PGR: variants seen among roughly 807,000 people sequenced by gnomAD.
PGR encodes nuclear receptor subfamily 3 group C member 3.
A neutral mutation model predicts 76.1 loss-of-function variants in PGR; 25 were observed. The observed-to-expected ratio is 0.33, with a 90% CI of 0.24 to 0.46. The LOEUF (loss-of-function observed/expected upper bound fraction) is 0.46. Among genes scored for constraint, PGR ranks in the 20% least tolerant of loss-of-function variants. The pLI, the probability that PGR is intolerant of heterozygous loss-of-function variation, is 1.00. For synonymous variants in PGR, 579 were observed against 535.0 expected (o/e 1.08, Z -1.14); for missense variants, 1,172 against 1,225.3 (o/e 0.96, Z 0.65).
chr11:101,082,987 A>G (rs1466632550), intron 3 of PGR, among the ~76,000 whole-genome samples: 1 of 152,216 alleles, frequency 6.6e-6, no homozygotes, highest in Admixed American at 6.5e-5. Context: ...CATTTCAGAG[A>G]CCTTCACAGC....
rs779145953 is a variant in PGR at position 101,031,413 on chromosome 11, T to C, written c.*7703A>G. 1 of 224,356 alleles carries C rather than the reference T, an allele frequency of 4.5e-6. No homozygotes were observed. The highest frequency in any genetic ancestry group is 8.9e-6 in the Non-Finnish European group (1 of 112,440). 13.9% of individuals were successfully genotyped at this position (224,356 alleles called of 1,614,324 possible). On this transcript the variant is annotated 3_prime_UTR_variant, in exon 8 of 8. Coordinates refer to ENST00000325455, the MANE Select transcript of PGR (RefSeq NM_000926.4). ...GCTGTCTGGTTAGTGGAACTAACAA[T>C]TTCCTTGATGGAAATTGAATAAGGT... is the stretch of plus-strand genomic sequence containing the variant.
intron 3 of PGR, among the ~76,000 whole-genome samples, chr11:101,075,371 A>G (rs529911451): frequency 6.6e-6 from 1 of 152,322 alleles, no homozygotes; most frequent in Non-Finnish European, 1.5e-5. Flanking sequence ...AAAACCCTAG[A>G]GGAAAACCTG....
Position 101,072,920 on chromosome 11 carries a change from A to T in PGR, c.1907-10168T>A, listed in dbSNP as rs1308502700. 3.9e-5 allele frequency among the ~76,000 whole-genome samples: 6 copies of T among 152,296 alleles called. No homozygotes were observed. In the South Asian group the frequency reaches 6.2e-4, roughly 16 times the overall value. ...TCAATATTAGACAGATCAACAAGAC[A>T]GAAAATTAATAAGGATATCCAGGAC... On this transcript the variant is annotated intron_variant, in intron 3 of 7. Transcript: ENST00000325455.
chr11:101,121,885 G>T (rs1862688932), intron 2 of PGR, among the ~76,000 whole-genome samples: 1 of 152,176 alleles, frequency 6.6e-6, no homozygotes, highest in South Asian at 2.1e-4. Flanking sequence ...AATGAGGACA[G>T]GCCAGGTGTG....
chr11:101,113,171 A>T (rs1862395236), intron 2 of PGR, among the ~76,000 whole-genome samples: 1 of 152,232 alleles, frequency 6.6e-6, no homozygotes, highest in African/African-American at 2.4e-5. Context: ...TCTACAAAAC[A>T]ACAGTGTCTT....
chr11:101,110,832 C>G (rs61198116), intron 2 of PGR, among the ~76,000 whole-genome samples: 26 of 152,152 alleles, frequency 1.7e-4, no homozygotes, highest in African/African-American at 6.3e-4. Flanking sequence ...CCACAGACAC[C>G]CCAACCTCCA....
Position 101,051,499 on chromosome 11 carries a change from A to AAC in PGR, c.2280_2281dup (p.Phe761CysfsTer4). ...TTTGTAGGATCTCCATCCTAGACCA[A>AAC]ACACCATTAAGCTCATCCAAGAATA... On this transcript the variant is annotated frameshift_variant, in exon 5 of 8. Transcript: ENST00000325455. LOFTEE classifies it high-confidence loss of function. 1 of 1,609,830 alleles carries AAC rather than the reference A, an allele frequency of 6.2e-7. No individual in the cohort carries two copies. Among genetic ancestry groups the AAC allele is most frequent in the Non-Finnish European group, 8.5e-7 (1 of 1,176,372 alleles).
At chr11:101,047,711 A>G (rs1456933775) in intron 6 of PGR, among the ~76,000 whole-genome samples, 1 of 152,132 alleles carries the variant, frequency 6.6e-6, no homozygotes, top group Non-Finnish European at 1.5e-5. Context: ...TGTCATAGAA[A>G]TCACAATGAA....
intron 3 of PGR, among the ~76,000 whole-genome samples, chr11:101,066,978 G>C (rs1053044521): frequency 6.6e-6 from 1 of 152,036 alleles, no homozygotes; most frequent in Non-Finnish European, 1.5e-5. Context: ...TGTCATTCTT[G>C]CTTGATATTT....
chr11:101,079,792 A>T (rs1352945708), intron 3 of PGR, among the ~76,000 whole-genome samples: 2 of 152,220 alleles, frequency 1.3e-5, no homozygotes, highest in Non-Finnish European at 2.9e-5. Flanking sequence ...GGTATATTGA[A>T]GATATTATCT....
chr11:101,109,677 G>A (rs926687283), intron 2 of PGR, among the ~76,000 whole-genome samples: 1 of 152,220 alleles, frequency 6.6e-6, no homozygotes, highest in East Asian at 1.9e-4. Context: ...AGCAGCAAGT[G>A]CTGATGTAGA....
chr11:101,070,902 A>G (rs1403493125), intron 3 of PGR, among the ~76,000 whole-genome samples: 1 of 152,222 alleles, frequency 6.6e-6, no homozygotes, highest in Non-Finnish European at 1.5e-5. Context: ...CAGCTTCAGC[A>G]GACTTAAACG....
intron 3 of PGR, among the ~76,000 whole-genome samples, chr11:101,086,626 GA>G (rs1171911008): frequency 6.6e-6 from 1 of 151,812 alleles, no homozygotes; most frequent in Non-Finnish European, 1.5e-5. Flanking sequence ...ATTCAAACAT[GA>G]AAAAAAGAAG....
intron 3 of PGR, among the ~76,000 whole-genome samples, chr11:101,077,898 G>C (rs750484031): frequency 7.2e-5 from 11 of 152,284 alleles, no homozygotes; most frequent in Middle Eastern, 3.4e-3. Flanking sequence ...GTGAGGTCTA[G>C]AGAGGTAGGT....
At chr11:101,054,000 C>T (rs1326259104) in intron 4 of PGR, among the ~76,000 whole-genome samples, 1 of 152,120 alleles carries the variant, frequency 6.6e-6, no homozygotes, top group African/African-American at 2.4e-5. Flanking sequence ...TCAGAAAATA[C>T]TAAAGCAAAG....
At chr11:101,085,525 T>TAAAAAAAC (rs1861465097) in intron 3 of PGR, among the ~76,000 whole-genome samples, 1 of 42,276 alleles carries the variant, frequency 2.4e-5, no homozygotes, top group Admixed American at 3.8e-4. Context: ...CTAGAGGAAC[T>TAAAAAAAC]AAAAAAAAAA....
chr11:101,079,292 A>T (rs1031745275), intron 3 of PGR, among the ~76,000 whole-genome samples: 2 of 152,180 alleles, frequency 1.3e-5, no homozygotes, highest in Non-Finnish European at 2.9e-5. Flanking sequence ...TCATCAAGCT[A>T]AAAAGCTTCC....
chr11:101,051,388 C>T (rs1323588403), intron 5 of PGR, 36 bp downstream of exon 5: 9 of 1,432,174 alleles, frequency 6.3e-6, no homozygotes, highest in Non-Finnish European at 4.9e-6. Context: ...TACATGTACA[C>T]TTAAAATAAC....
chr11:101,066,384 T>C (rs1396387579), intron 3 of PGR, among the ~76,000 whole-genome samples: 1 of 152,214 alleles, frequency 6.6e-6, no homozygotes, highest in African/African-American at 2.4e-5. Context: ...TCTTTCAGTC[T>C]CTCTGTCTAG....
Sources: gnomAD v4.1 joint callset for allele counts (sites outside exome capture counted in the v4.1 genomes callset) on GRCh38, gnomAD v4.1.1 for gene constraint, MANE v1.5 for transcripts, NCBI Gene and HGNC (gene_info 2026-07-23, HGNC 2026-07-21) for gene names.